The following GRIK2 variants were observed in gnomAD, a reference collection of about 807,000 sequenced individuals.
GRIK2 encodes the protein glutamate receptor ionotropic, kainate 2.
In GRIK2, 32 loss-of-function variants were observed where a neutral mutation model predicts 100.3. The ratio of observed to expected loss-of-function variants is 0.32; its 90% CI spans 0.24 to 0.43. The LOEUF (loss-of-function observed/expected upper bound fraction) is 0.43. Among genes scored for constraint, GRIK2 ranks in the 20% least tolerant of loss-of-function variants. GRIK2 has a pLI of 1.00. For missense variants in GRIK2, 843 were observed against 1,114.9 expected (o/e 0.76, Z 3.47); for synonymous variants, 417 against 389.4 (o/e 1.07, Z -0.83).
intron 2 of GRIK2, among the ~76,000 whole-genome samples, chr6:101,599,068 C>T (rs1347598051): frequency 6.6e-6 from 1 of 151,658 alleles, no homozygotes; most frequent in Non-Finnish European, 1.5e-5. Flanking sequence ...CCCCTTCCCT[C>T]CCTCCATCCC....
chr6:101,525,256 T>A (rs1024639283), intron 2 of GRIK2, among the ~76,000 whole-genome samples: 1 of 152,198 alleles, frequency 6.6e-6, no homozygotes, highest in Admixed American at 6.5e-5. Flanking sequence ...ACATATTCAA[T>A]TACACAAAAA....
chr6:101,550,298 T>G (rs1776444154), intron 2 of GRIK2, among the ~76,000 whole-genome samples: 1 of 152,178 alleles, frequency 6.6e-6, no homozygotes, highest in South Asian at 2.1e-4. Context: ...TTATTGTCCA[T>G]TATAGCTGCT....
At chr6:101,531,652 T>C (rs1428092081) in intron 2 of GRIK2, among the ~76,000 whole-genome samples, 1 of 151,854 alleles carries the variant, frequency 6.6e-6, no homozygotes. Flanking sequence ...CCAAATGGCA[T>C]TATGAATAGT....
chr6:101,852,658 G>C (rs1469102132), intron 10 of GRIK2, among the ~76,000 whole-genome samples: 4 of 152,154 alleles, frequency 2.6e-5, no homozygotes, highest in Middle Eastern at 3.4e-3. Flanking sequence ...CCTACTACTT[G>C]GTATGATAAA....
intron 9 of GRIK2, among the ~76,000 whole-genome samples, 178 bp downstream of exon 9, chr6:101,802,616 G>A (rs1780747230): frequency 6.6e-6 from 1 of 151,436 alleles, no homozygotes; most frequent in Non-Finnish European, 1.5e-5. Flanking sequence ...AAGGATAAAG[G>A]GTATCTTAAG....
intron 7 of GRIK2, among the ~76,000 whole-genome samples, chr6:101,724,499 T>A (rs1562336412): frequency 6.6e-6 from 1 of 152,012 alleles, no homozygotes; most frequent in Non-Finnish European, 1.5e-5. Context: ...TCTAGCTGCA[T>A]CCTGTTGCTC....
intron 14 of GRIK2, among the ~76,000 whole-genome samples, chr6:101,969,392 A>G (rs1369608196): frequency 6.6e-6 from 1 of 151,984 alleles, no homozygotes; most frequent in Admixed American, 6.6e-5. Context: ...AGCCTGTTTA[A>G]TTTATGTTAT....
At chr6:101,999,854 T>A (rs1794841683) in intron 14 of GRIK2, among the ~76,000 whole-genome samples, 2 of 152,096 alleles carry the variant, frequency 1.3e-5, no homozygotes, top group African/African-American at 4.8e-5. Flanking sequence ...TCTTCTTTAC[T>A]GAAATATTCT....
chr6:101,682,582 C>A lies in GRIK2; in HGVS notation c.753C>A (p.Tyr251Ter). The change falls in exon 6 of 17, where the codon TAC becomes TAA. Residue 251 changes from tyrosine to a stop codon, truncating the protein, a stop_gained. Coordinates refer to ENST00000369134, the MANE Select transcript of GRIK2 (RefSeq NM_021956.5). LOFTEE classifies it high-confidence loss of function. ...QALAMGMMTE[Y>*]YHYIFTTLDL... The stretch of plus-strand genomic sequence containing the variant: ...TAGCTATGGGAATGATGACAGAATA[C>A]TATCATTATATCTTTACCACTCTGG... 2 of 1,319,888 alleles carry A rather than the reference C, an allele frequency of 1.5e-6. No individual in the cohort carries two copies. Among genetic ancestry groups the A allele is most frequent in the Non-Finnish European group, 2.2e-6 (2 of 921,498 alleles). The allele number at this position is 1,319,888 out of a possible 1,614,324, so 81.8% of individuals were successfully genotyped here.
intron 7 of GRIK2, among the ~76,000 whole-genome samples, chr6:101,739,484 T>C (rs1403293379): frequency 6.6e-6 from 1 of 152,178 alleles, no homozygotes; most frequent in Non-Finnish European, 1.5e-5. Context: ...GTTCAGGCTC[T>C]GTTATTGACT....
intron 2 of GRIK2, among the ~76,000 whole-genome samples, chr6:101,588,758 A>G (rs1430683527): frequency 6.6e-6 from 1 of 152,114 alleles, no homozygotes; most frequent in South Asian, 2.1e-4. Context: ...CATTCTAAAC[A>G]TGGCACATAC....
chr6:101,547,540 A>G (rs927121801), intron 2 of GRIK2, among the ~76,000 whole-genome samples: 9 of 152,054 alleles, frequency 5.9e-5, no homozygotes, highest in East Asian at 1.9e-4. Context: ...TCATTGTTCA[A>G]TTTCCACCTA....
chr6:101,742,156 T>C (rs992206825), intron 7 of GRIK2, among the ~76,000 whole-genome samples: 1 of 152,200 alleles, frequency 6.6e-6, no homozygotes, highest in Non-Finnish European at 1.5e-5. Flanking sequence ...GTATATCTTT[T>C]TAATAGTTTT....
intron 2 of GRIK2, among the ~76,000 whole-genome samples, chr6:101,498,232 G>A (rs1260815709): frequency 5.4e-4 from 81 of 151,184 alleles, no homozygotes; most frequent in Middle Eastern, 6.8e-3. Flanking sequence ...ATTCCATGGT[G>A]TATATGTGCC....
chr6:101,621,393 G>A (rs1038834298), intron 2 of GRIK2, among the ~76,000 whole-genome samples: 1 of 152,150 alleles, frequency 6.6e-6, no homozygotes, highest in African/African-American at 2.4e-5. Flanking sequence ...GGTCAAGGCT[G>A]CAGTGGGCTG....
chr6:101,650,179 A>G (rs868326499), intron 4 of GRIK2, among the ~76,000 whole-genome samples: 2 of 152,276 alleles, frequency 1.3e-5, no homozygotes, highest in South Asian at 2.1e-4. Context: ...GACCATAACT[A>G]AAGTGCAAAG....
intron 12 of GRIK2, among the ~76,000 whole-genome samples, chr6:101,909,953 CA>C (rs1255029054): frequency 6.6e-6 from 1 of 150,492 alleles, no homozygotes; most frequent in Non-Finnish European, 1.5e-5. Flanking sequence ...CTGATAAAAT[CA>C]GAAATGTTAT....
At chr6:101,725,065 T>C (rs1254248707) in intron 7 of GRIK2, among the ~76,000 whole-genome samples, 1 of 152,116 alleles carries the variant, frequency 6.6e-6, no homozygotes, top group South Asian at 2.1e-4. Flanking sequence ...CTTTGTGAAT[T>C]CAATAAATCT....
chr6:101,755,691 A>C (rs1213023623), intron 7 of GRIK2, among the ~76,000 whole-genome samples: 1 of 152,208 alleles, frequency 6.6e-6, no homozygotes, highest in African/African-American at 2.4e-5. Flanking sequence ...TTAAAAGTGT[A>C]TCTACTAAGT....
Sources: allele counts gnomAD v4.1 joint callset (sites outside exome capture counted in the v4.1 genomes callset), GRCh38; gene constraint gnomAD v4.1.1; transcripts MANE v1.5; gene names NCBI Gene and HGNC (gene_info 2026-07-23, HGNC 2026-07-21).